HYLS1: variants seen among roughly 807,000 people sequenced by gnomAD.
HYLS1 encodes the protein HYLS1 centriolar and ciliogenesis associated, also known as centriolar and ciliogenesis-associated protein HYLS1.
HYLS1 carries 25 observed loss-of-function variants against 29.4 expected under a neutral mutation model. The ratio of observed to expected loss-of-function variants is 0.85; its 90% confidence interval spans 0.62 to 1.19. The LOEUF (loss-of-function observed/expected upper bound fraction) is 1.19, where lower values mean the gene tolerates loss of function less well. Ranked by LOEUF, HYLS1 falls within the 50% of genes most tolerant of loss-of-function variation. The pLI is 0.00. For missense variants in HYLS1, 352 were observed against 365.1 expected, an observed-to-expected ratio of 0.96 and a Z score of 0.29; for synonymous variants, 128 against 126.7, an observed-to-expected ratio of 1.01 and a Z score of -0.07.
intron 2 of HYLS1, chr11:125,895,784 G>C (rs1224871620): frequency 6.3e-7 from 1 of 1,596,860 alleles, no homozygotes; most frequent in East Asian, 2.2e-5. Flanking sequence ...GGTCAAGTGA[G>C]ATCACCTGTG....
Position 125,895,423 on chromosome 11 carries a change from C to T in HYLS1, c.-25-3921C>T, listed in dbSNP as rs763863295. 1.4e-5 allele frequency: 22 copies of T among 1,613,926 alleles called. No homozygotes were observed. Among genetic ancestry groups the T allele is most frequent in the Admixed American group, 1.7e-5 (1 of 59,998 alleles). ...CTCCCCTCACCTGGGCTCTGGCCCA[C>T]TAGCTGTACTTGAGCAGATAGAATA... On this transcript the variant is annotated intron_variant, in intron 2 of 2. Transcript: ENST00000425380.
chr11:125,895,149 C>T (rs1591500163), intron 2 of HYLS1: 1 of 1,250,366 alleles, frequency 8.0e-7, no homozygotes, highest in Non-Finnish European at 1.1e-6. Context: ...TGGCTTCAAG[C>T]AATTCTTGTG....
At chr11:125,889,407 G>C (rs1362840580) in intron 1 of HYLS1, among the ~76,000 whole-genome samples, 1 of 152,146 alleles carries the variant, frequency 6.6e-6, no homozygotes, top group African/African-American at 2.4e-5. Context: ...TTATGACTTA[G>C]AAGTTGTGGT....
rs781782721 is a variant in HYLS1, at chr11:125,899,981, C to G, written c.613C>G (p.Arg205Gly). ...TCTCCCAAAGCTGGACCAGTTAAGC[C>G]GAAACCGGGGCAAGACAGACCGGGT... is the stretch of plus-strand genomic sequence containing the variant. ...FILPKLDQLS[R>G]NRGKTDRVAR... is the part of the protein sequence containing the mutation. Residue 205 changes from arginine (R) to glycine (G), a missense_variant, in exon 3 of 3, where the codon CGA (arginine) becomes GGA (glycine). Transcript: ENST00000425380. 5.0e-6 allele frequency: 8 copies of G among 1,614,164 alleles called. No individual in the cohort carries two copies. The highest frequency in any genetic ancestry group is 6.8e-6 in the Non-Finnish European group (8 of 1,180,042).
intron 2 of HYLS1, chr11:125,894,330 A>C: frequency 6.7e-7 from 1 of 1,489,682 alleles, no homozygotes; most frequent in Non-Finnish European, 9.1e-7. Context: ...CATAACATCC[A>C]TCTAACAGTT....
At chr11:125,886,078 C>T (rs996542038), upstream of HYLS1, among the ~76,000 whole-genome samples, 1 of 152,002 alleles carries the variant, frequency 6.6e-6, no homozygotes, top group African/African-American at 2.4e-5. Context: ...TTGAATCATC[C>T]CAAAACCATA....
At chr11:125,890,728 C>T (rs900237208) in intron 1 of HYLS1, among the ~76,000 whole-genome samples, 2 of 152,048 alleles carry the variant, frequency 1.3e-5, no homozygotes, top group Non-Finnish European at 2.9e-5. Flanking sequence ...TGAAAGTTTC[C>T]CTCTAAAGAG....
chr11:125,893,205 G>C (rs757261025), intron 2 of HYLS1, among the ~76,000 whole-genome samples: 2 of 152,174 alleles, frequency 1.3e-5, no homozygotes, highest in Non-Finnish European at 2.9e-5. Context: ...ATTTGTTGTT[G>C]ACACAGCCTA....
chr11:125,899,143 G>A (rs1944679727), intron 2 of HYLS1: 2 of 545,824 alleles, frequency 3.7e-6, no homozygotes, highest in East Asian at 6.1e-5. Context: ...AGGAGTAAGA[G>A]TGGAAATGAA....
intron 2 of HYLS1, chr11:125,895,948 G>A: frequency 6.2e-7 from 1 of 1,613,870 alleles, no homozygotes; most frequent in East Asian, 2.2e-5. Flanking sequence ...CTCCCACATC[G>A]GTGATAGTTG....
Position 125,887,704 on chromosome 11 carries a change from T to C in HYLS1, c.-137T>C, listed in dbSNP as rs1944330386. On this transcript the variant is annotated 5_prime_UTR_variant, in exon 1 of 3. Transcript: ENST00000425380. ...GCAAGTTACGCGAAAGCTAACAGAA[T>C]CTGCGGTGCTCTGCTGGCGACTGGC... 5 of 152,394 alleles carry C rather than the reference T, an allele frequency of 3.3e-5. No individual in the cohort carries two copies. The South Asian group carries it at 1.0e-3, about 32-fold the overall frequency. The allele number at this position is 152,394 out of a possible 1,614,324, so 9.4% of individuals were successfully genotyped here.
In HYLS1 at chr11:125,895,582, G is replaced by A. The variant is rs370110541; in HGVS notation, c.-25-3762G>A. The A allele has an allele frequency of 1.6e-5, 26 of 1,614,050 alleles. No individual in the cohort carries two copies. Among genetic ancestry groups the A allele is most frequent in the East Asian group, 2.2e-5 (1 of 44,902 alleles). Reference sequence around the variant, plus strand: ...AAATCAGCACGAGGGAAAAAATAGCGGTAAGTCCGCTCAAGGCAGCTGAAC... The same window carrying A: ...AAATCAGCACGAGGGAAAAAATAGCAGTAAGTCCGCTCAAGGCAGCTGAAC... On this transcript the variant is annotated intron_variant, in intron 2 of 2. Transcript: ENST00000425380.
At chr11:125,895,983 C>G in intron 2 of HYLS1, 2 of 1,614,138 alleles carry the variant, frequency 1.2e-6, no homozygotes, top group Non-Finnish European at 8.5e-7. Flanking sequence ...TTCTACTAGT[C>G]GAGTCTTGGT....
chr11:125,888,325 A>G (rs1277869765), intron 1 of HYLS1: 1 of 152,282 alleles, frequency 6.6e-6, no homozygotes, highest in East Asian at 1.9e-4. Context: ...CTCACTAAGC[A>G]GGCAAAGAAA....
chr11:125,896,781 AC>A (rs1354370305), intron 2 of HYLS1, among the ~76,000 whole-genome samples: 3 of 152,188 alleles, frequency 2.0e-5, no homozygotes, highest in Non-Finnish European at 4.4e-5. Flanking sequence ...CAAATAAATG[AC>A]TTGTATGCTC....
intron 2 of HYLS1, chr11:125,895,720 C>T (rs767412265): frequency 3.1e-6 from 5 of 1,613,416 alleles, no homozygotes; most frequent in Admixed American, 1.7e-5. Flanking sequence ...GCATTAGCCT[C>T]CTCTTTTACA....
chr11:125,896,308 C>T (rs1417454059), intron 2 of HYLS1: 2 of 1,583,230 alleles, frequency 1.3e-6, no homozygotes, highest in Non-Finnish European at 1.7e-6. Flanking sequence ...CAGGAATAAA[C>T]GAACCATACA....
rs779347680 is a variant in HYLS1 at position 125,899,689 on chromosome 11, A to G, written c.321A>G (p.Val107=). 18 of 1,614,102 alleles carry G rather than the reference A, an allele frequency of 1.1e-5. No homozygotes were observed. The highest frequency in any genetic ancestry group is 1.7e-5 in the Admixed American group (1 of 60,006). Residue 107 remains valine, a synonymous_variant, in exon 3 of 3, where the codon GTA becomes GTG. Coordinates refer to ENST00000425380, the MANE Select transcript of HYLS1 (RefSeq NM_001134793.2). The part of the protein sequence containing the change: ...KVLRRKPDGE[V]LVTDESIISE... Reference sequence around the variant, plus strand: ...TGCGCAGAAAGCCAGATGGGGAAGTATTAGTAACAGATGAGTCGATTATCA... The same window carrying G: ...TGCGCAGAAAGCCAGATGGGGAAGTGTTAGTAACAGATGAGTCGATTATCA...
intron 2 of HYLS1, chr11:125,895,100 G>A: frequency 1.6e-6 from 1 of 614,644 alleles, no homozygotes; most frequent in South Asian, 2.7e-5. Context: ...ATGCTGGAAT[G>A]CAGTGGTCCA....
Sources: allele counts gnomAD v4.1 joint callset (sites outside exome capture counted in the v4.1 genomes callset), GRCh38; gene constraint gnomAD v4.1.1; transcripts MANE v1.5; gene names NCBI Gene and HGNC (gene_info 2026-07-23, HGNC 2026-07-21).